Variants in LSP1 observed in about 807,000 individuals in gnomAD.
LSP1 encodes lymphocyte-specific protein 1.
A neutral mutation model predicts 49.3 loss-of-function variants in LSP1; 32 were observed. The observed-to-expected ratio is 0.65, with a 90% CI of 0.49 to 0.87. LSP1 has a LOEUF of 0.87. LSP1 is among the 40% of genes least tolerant of loss of function. LSP1 has a pLI of 0.00. For missense variants in LSP1, 428 were observed against 442.6 expected (o/e 0.97, Z 0.30); for synonymous variants, 179 against 178.8 (o/e 1.00, Z -0.01).
At position 1,883,923 on chromosome 11, in the gene LSP1, T is replaced by G; in HGVS notation, c.499-9T>G. 1 of 1,596,928 alleles carries G rather than the reference T, an allele frequency of 6.3e-7. No individual in the cohort carries two copies. The highest frequency in any genetic ancestry group is 8.5e-7 in the Non-Finnish European group (1 of 1,175,438). On this transcript the variant is annotated splice_polypyrimidine_tract_variant and intron_variant, in intron 4 of 10. Coordinates refer to ENST00000311604, the MANE Select transcript of LSP1 (RefSeq NM_002339.3). The stretch of plus-strand genomic sequence containing the variant: ...GGGTCACTTGGGATGTCTGTTTTTT[T>G]TTTTCTAGCACCAGAAATGTCAGCA...
At chr11:1,866,541 G>A (rs747621569) in intron 1 of LSP1, 1 of 1,540,314 alleles carries the variant, frequency 6.5e-7, no homozygotes, top group Non-Finnish European at 8.8e-7. Context: ...ACCAGCACCA[G>A]GATCTGCAGT....
intron 1 of LSP1, chr11:1,868,776 GT>G: frequency 2.0e-6 from 2 of 985,852 alleles, no homozygotes; most frequent in Non-Finnish European, 2.4e-6. Flanking sequence ...TGGGCAGGGT[GT>G]CAGGGCCAGA....
chr11:1,887,980 G>A lies in LSP1; in HGVS notation c.*13+404G>A, dbSNP rs567673931. Among the ~76,000 whole-genome samples the A allele has an allele frequency of 2.0e-5, 3 of 152,220 alleles. No individual in the cohort carries two copies. The East Asian group carries it at 5.8e-4, about 29-fold the overall frequency. Reference sequence around the variant, plus strand: ...TCTGTATGCTGAGGGTCCATAGAGGGGCAGGAACTTAGGTCCTACTCCCTG... The same window carrying A: ...TCTGTATGCTGAGGGTCCATAGAGGAGCAGGAACTTAGGTCCTACTCCCTG... On this transcript the variant is annotated intron_variant, in intron 10 of 10. Coordinates refer to ENST00000311604, the MANE Select transcript of LSP1 (RefSeq NM_002339.3).
At chr11:1,875,067 C>T (rs1461750759) in intron 1 of LSP1, among the ~76,000 whole-genome samples, 1 of 148,954 alleles carries the variant, frequency 6.7e-6, no homozygotes, top group Non-Finnish European at 1.5e-5. Context: ...GACCCTGGGT[C>T]CCAGCTCGGC....
At position 1,884,047 on chromosome 11, in the gene LSP1, C is replaced by T. The variant is rs1252451891; in HGVS notation, c.591+23C>T. The T allele has an allele frequency of 2.5e-6, 4 of 1,593,924 alleles. No homozygotes were observed. Among genetic ancestry groups the T allele is most frequent in the Non-Finnish European group, 3.4e-6 (4 of 1,169,302 alleles). ...AAAGTAAGTTAAGCTGCAAAGCCTG[C>T]CATCTTCTCCCCTCTCCCGTACTCA... is the stretch of plus-strand genomic sequence containing the variant. On this transcript the variant is annotated intron_variant, in intron 5 of 10. Transcript: ENST00000311604. This position sits in a 1 kb window ranked among gnomAD's most constrained non-coding sequence, Gnocchi z 4.1.
At chr11:1,854,229 G>A (rs1847431718) in intron 1 of LSP1, among the ~76,000 whole-genome samples, 1 of 152,136 alleles carries the variant, frequency 6.6e-6, no homozygotes, top group Non-Finnish European at 1.5e-5. Flanking sequence ...CGGAAGGGAA[G>A]GCGCTGGGGC....
intron 1 of LSP1, 45 bp downstream of exon 1, chr11:1,853,242 G>T: frequency 6.3e-7 from 1 of 1,588,330 alleles, no homozygotes; most frequent in Non-Finnish European, 8.5e-7. Flanking sequence ...CGTGTCCACG[G>T]GTGCATAGTC....
rs772119199 is a variant in LSP1 at position 1,884,323 on chromosome 11, GGTCTGTCTGTCT to G, written c.635+10_635+21del. On this transcript the variant is annotated splice_donor_variant and splice_donor_5th_base_variant and intron_variant, in intron 6 of 10. Coordinates refer to ENST00000311604, the MANE Select transcript of LSP1 (RefSeq NM_002339.3). LOFTEE classifies it high-confidence loss of function. This position sits in a 1 kb window ranked among gnomAD's most constrained non-coding sequence, Gnocchi z 4.1. Reference sequence around the variant, plus strand: ...TCCCTAAACCGCTCCATAGAGAAGAGGTCTGTCTGTCTGTCTGTCTGCTTTCTGGGCTCAGAT... The same window carrying G: ...TCCCTAAACCGCTCCATAGAGAAGAGGTCTGTCTGCTTTCTGGGCTCAGAT... 6.2e-7 allele frequency: 1 copy of G among 1,613,598 alleles called. No homozygotes were observed. Among genetic ancestry groups the G allele is most frequent in the African/African-American group, 1.3e-5 (1 of 74,838 alleles).
chr11:1,855,859 C>A (rs1195243200), intron 1 of LSP1, among the ~76,000 whole-genome samples: 1 of 152,216 alleles, frequency 6.6e-6, no homozygotes, highest in Non-Finnish European at 1.5e-5. Context: ...GCAAGGCTCT[C>A]CCCACACTGA....
intron 1 of LSP1, among the ~76,000 whole-genome samples, chr11:1,861,814 G>C (rs1404213528): frequency 7.9e-5 from 12 of 151,680 alleles, no homozygotes; most frequent in African/African-American, 2.2e-4. Context: ...TGAATAGATG[G>C]ATGGGTGAAT....
intron 1 of LSP1, among the ~76,000 whole-genome samples, chr11:1,854,883 C>G (rs1847449274): frequency 6.6e-6 from 1 of 152,206 alleles, no homozygotes; most frequent in African/African-American, 2.4e-5. Context: ...TGGCCTCATC[C>G]TTGGCCACCC....
chr11:1,873,844 G>GCCGGCAGAGCAGGGAGC (rs772409197), intron 1 of LSP1, among the ~76,000 whole-genome samples: 5,430 of 114,702 alleles, frequency 0.047, 1,223 homozygotes, highest in South Asian at 0.11. Flanking sequence ...GAGGAGGGAG[G>GCCGGCAGAGCAGGGAGC]CCGGCAGAGG....
chr11:1,864,200 G>C, intron 1 of LSP1: 2 of 987,254 alleles, frequency 2.0e-6, no homozygotes, highest in South Asian at 4.6e-5. Flanking sequence ...ACGGGACAAA[G>C]AGGAACCAGC....
At chr11:1,860,650 T>C (rs941959940) in intron 1 of LSP1, among the ~76,000 whole-genome samples, 1 of 152,210 alleles carries the variant, frequency 6.6e-6, no homozygotes, top group Non-Finnish European at 1.5e-5. Context: ...TCTACTGGAA[T>C]GGGTGCTGAT....
At chr11:1,889,642 C>A in intron 10 of LSP1, 1 of 620,120 alleles carries the variant, frequency 1.6e-6, no homozygotes. Context: ...GGGGATGAGG[C>A]CCAGGCAGGG....
In LSP1 at chr11:1,864,210, C is replaced by T. The variant is rs778395918; in HGVS notation, c.53+11013C>T. 3.8e-4 allele frequency: 376 copies of T among 986,626 alleles called. 1 individual carries two copies. Among genetic ancestry groups the T allele is most frequent in the Non-Finnish European group, 4.2e-4 (353 of 830,862 alleles). 61.1% of individuals were successfully genotyped at this position (986,626 alleles called of 1,614,324 possible). ...AGGGGACGGGACAAAGAGGAACCAGCGAAGGGTCCAGGCCTGCGATGATGG... is the reference window on the plus strand; with the variant it reads ...AGGGGACGGGACAAAGAGGAACCAGTGAAGGGTCCAGGCCTGCGATGATGG... On this transcript the variant is annotated intron_variant, in intron 1 of 10. Coordinates refer to ENST00000311604, the MANE Select transcript of LSP1 (RefSeq NM_002339.3).
intron 2 of LSP1, chr11:1,880,529 C>G (rs1749291613): frequency 6.9e-6 from 2 of 290,984 alleles, no homozygotes; most frequent in Non-Finnish European, 1.3e-5. Context: ...GAGCCCCCCA[C>G]CAGACTCCCC....
chr11:1,879,989 C>T (rs541253580), intron 1 of LSP1, 98 bp from the exon 2 acceptor site: 73 of 1,448,242 alleles, frequency 5.0e-5, no homozygotes, highest in Middle Eastern at 1.8e-4. Flanking sequence ...CTGCCTGCAC[C>T]GTGTGGCCCC....
intron 1 of LSP1, chr11:1,869,583 T>G: frequency 2.2e-6 from 1 of 463,702 alleles, no homozygotes; most frequent in South Asian, 1.6e-5. Context: ...AGGAGGGGTC[T>G]CTCCCACGTG....
Sources: allele counts gnomAD v4.1 joint callset (sites outside exome capture counted in the v4.1 genomes callset), GRCh38; gene constraint gnomAD v4.1.1; non-coding constraint Gnocchi (gnomAD v3.1); transcripts MANE v1.5; gene names NCBI Gene and HGNC (gene_info 2026-07-23, HGNC 2026-07-21).